JAK1: variants seen among roughly 807,000 people sequenced by gnomAD.
JAK1 encodes the protein tyrosine-protein kinase JAK1.
In JAK1, 16 loss-of-function variants were observed where a neutral mutation model predicts 136.6. The ratio of observed to expected loss-of-function variants is 0.12; its 90% confidence interval spans 0.08 to 0.18. The LOEUF is 0.18. JAK1 is among the 10% of genes least tolerant of loss of function. JAK1 has a pLI of 1.00. For synonymous variants in JAK1, 492 were observed against 519.5 expected (o/e 0.95, Z 0.72); for missense variants, 859 against 1,450.1 (o/e 0.59, Z 6.62).
At chr1:64,991,679 C>T (rs1235103593) in intron 2 of JAK1, 1 of 152,202 alleles carries the variant, frequency 6.6e-6, no homozygotes, top group African/African-American at 2.4e-5. Flanking sequence ...AAAACTGTAT[C>T]TCTACGACCA....
At chr1:65,024,390 C>T (rs1380092877) in intron 2 of JAK1, among the ~76,000 whole-genome samples, 1 of 152,060 alleles carries the variant, frequency 6.6e-6, no homozygotes, top group South Asian at 2.1e-4. Context: ...TTATTGGCTA[C>T]TTGTACACCT....
chr1:64,870,329 AC>A (rs1656998685), intron 5 of JAK1, among the ~76,000 whole-genome samples: 1 of 152,172 alleles, frequency 6.6e-6, no homozygotes, highest in African/African-American at 2.4e-5. Flanking sequence ...ATTATTGAGA[AC>A]TAATTATGGG....
chr1:64,928,794 A>AAAAAAAAAC (rs1645634466), intron 1 of JAK1, among the ~76,000 whole-genome samples: 2 of 122,508 alleles, frequency 1.6e-5, no homozygotes, highest in Non-Finnish European at 3.2e-5. Flanking sequence ...AAAAAAAAAA[A>AAAAAAAAAC]AACAAAAAAA....
At chr1:64,837,860 C>A in intron 22 of JAK1, 72 bp downstream of exon 22, 1 of 1,302,284 alleles carries the variant, frequency 7.7e-7, no homozygotes, top group South Asian at 1.4e-5. Flanking sequence ...ATTAATATAG[C>A]CAGAAAGGGC....
intron 1 of JAK1, among the ~76,000 whole-genome samples, chr1:64,958,946 T>C (rs1646237424): frequency 6.6e-6 from 1 of 152,236 alleles, no homozygotes; most frequent in Admixed American, 6.5e-5. Context: ...ACCAAGTGTA[T>C]GTGAAAATAA....
intron 9 of JAK1, among the ~76,000 whole-genome samples, chr1:64,857,992 A>G (rs963954337): frequency 1.3e-5 from 2 of 152,194 alleles, no homozygotes; most frequent in African/African-American, 4.8e-5. Context: ...AAGGTTGAGA[A>G]GAGGACTCAG....
chr1:64,850,947 C>A, intron 11 of JAK1, 37 bp from the exon 12 acceptor site: 1 of 1,432,994 alleles, frequency 7.0e-7, no homozygotes, highest in South Asian at 1.2e-5. Context: ...GCACAGCACC[C>A]AAGATCCGAG....
chr1:65,015,190 G>T (rs971129109), intron 2 of JAK1, among the ~76,000 whole-genome samples: 3 of 152,174 alleles, frequency 2.0e-5, no homozygotes, highest in African/African-American at 7.2e-5. Flanking sequence ...GAAGAGTAAA[G>T]AGAGTGGTAA....
intron 2 of JAK1, among the ~76,000 whole-genome samples, chr1:65,015,966 A>T (rs1329097195): frequency 6.6e-6 from 1 of 152,224 alleles, no homozygotes; most frequent in Non-Finnish European, 1.5e-5. Flanking sequence ...AACCAGATGT[A>T]TGAACGAAAT....
chr1:64,944,984 C>T (rs1645958489), intron 1 of JAK1, among the ~76,000 whole-genome samples: 1 of 151,854 alleles, frequency 6.6e-6, no homozygotes, highest in African/African-American at 2.4e-5. Context: ...GCACCTTGGG[C>T]TCACAACACA....
chr1:64,957,818 C>G (rs1466497225), intron 1 of JAK1, among the ~76,000 whole-genome samples: 2 of 152,234 alleles, frequency 1.3e-5, no homozygotes, highest in Non-Finnish European at 2.9e-5. Context: ...GTGGCGGGAG[C>G]CTGTAATCCC....
At chr1:64,944,807 A>G (rs1160482740) in intron 1 of JAK1, among the ~76,000 whole-genome samples, 1 of 152,200 alleles carries the variant, frequency 6.6e-6, no homozygotes, top group Admixed American at 6.5e-5. Flanking sequence ...TGAGAGTCCA[A>G]GTGATTTTTG....
chr1:64,989,000 GTGTATATATATA>G (rs1337084864), intron 2 of JAK1, among the ~76,000 whole-genome samples: 120 of 91,860 alleles, frequency 1.3e-3, no homozygotes, highest in African/African-American at 4.5e-3. Context: ...GTGTGTGTGT[GTGTATATATATA>G]TATATATATA....
chr1:65,041,945 A>G (rs1647137675), intron 2 of JAK1, among the ~76,000 whole-genome samples: 1 of 152,186 alleles, frequency 6.6e-6, no homozygotes, highest in Non-Finnish European at 1.5e-5. Flanking sequence ...TGGGAGGCTG[A>G]GGCAGGAGAA....
intron 1 of JAK1, among the ~76,000 whole-genome samples, chr1:64,909,988 G>A (rs1645255193): frequency 6.6e-6 from 1 of 152,188 alleles, no homozygotes; most frequent in Admixed American, 6.5e-5. Context: ...TCCTCAGTGG[G>A]ATGGTAGACC....
chr1:64,873,584 T>A lies in JAK1; in HGVS notation c.330-61A>T, dbSNP rs577162256. On this transcript the variant is annotated intron_variant, in intron 4 of 24. Coordinates refer to ENST00000342505, the MANE Select transcript of JAK1 (RefSeq NM_002227.4). Reference sequence around the variant, plus strand: ...AGGGGACCCAGATGTGGGCAGGGCGTCCTGGCTCACCAACAGTGGTCAGTG... The same window carrying A: ...AGGGGACCCAGATGTGGGCAGGGCGACCTGGCTCACCAACAGTGGTCAGTG... 2.5e-6 allele frequency: 4 copies of A among 1,601,690 alleles called. No homozygotes were observed. In the South Asian group the frequency reaches 4.4e-5, roughly 18 times the overall value.
chr1:64,891,312 A>C (rs1305569483), intron 1 of JAK1, among the ~76,000 whole-genome samples: 1 of 152,196 alleles, frequency 6.6e-6, no homozygotes, highest in Non-Finnish European at 1.5e-5. Context: ...ACAGTGGGGA[A>C]GAACTGCTCT....
Position 64,844,675 on chromosome 1 carries a change from C to T in JAK1, c.2251+79G>A. ...AAAAAATGACTCTCTAAAAGGAGAC[C>T]AACCCCAGCCCAGCCCTTCTCTCTG... On this transcript the variant is annotated intron_variant, in intron 16 of 24. Transcript: ENST00000342505. This position sits in a 1 kb window ranked among gnomAD's most constrained non-coding sequence, Gnocchi z 5.7. 1 of 1,565,632 alleles carries T rather than the reference C, an allele frequency of 6.4e-7. No individual in the cohort carries two copies. The highest frequency in any genetic ancestry group is 8.8e-7 in the Non-Finnish European group (1 of 1,141,818).
At chr1:64,898,731 C>A (rs1304633543) in intron 1 of JAK1, among the ~76,000 whole-genome samples, 1 of 152,202 alleles carries the variant, frequency 6.6e-6, no homozygotes, top group Non-Finnish European at 1.5e-5. Context: ...GTTAAACAGT[C>A]TCCAGGAGCT....
Sources: allele counts gnomAD v4.1 joint callset (sites outside exome capture counted in the v4.1 genomes callset), GRCh38; gene constraint gnomAD v4.1.1; non-coding constraint Gnocchi (gnomAD v3.1); transcripts MANE v1.5; gene names NCBI Gene and HGNC (gene_info 2026-07-23, HGNC 2026-07-21).